The following PPP1R3F variants were observed in gnomAD, a reference collection of about 807,000 sequenced individuals.
PPP1R3F encodes the protein protein phosphatase 1 regulatory subunit 3F, also known as protein phosphatase 1, regulatory (inhibitor) subunit 3F.
PPP1R3F carries 29 observed loss-of-function variants against 24.2 expected under a neutral mutation model. The observed-to-expected ratio is 1.20, with a 90% CI of 0.89 to 1.63. The LOEUF is 1.63. Among genes scored for constraint, PPP1R3F ranks in the 40% most tolerant of loss-of-function variants. PPP1R3F has a pLI of 0.00. For missense variants in PPP1R3F, 823 were observed against 729.3 expected (o/e 1.13, Z -1.48); for synonymous variants, 363 against 340.1 (o/e 1.07, Z -0.74).
In PPP1R3F at chrX:49,270,704, C is replaced by G. The variant is rs781987355; in HGVS notation, c.835C>G (p.Arg279Gly). The part of the protein sequence containing the change: ...EGTFWANNHG[R>G]NYTVLLRIAP... ...CACTTTCTGGGCCAACAACCACGGC[C>G]GCAACTACACAGTCCTGCTCCGGAT... Residue 279 changes from arginine (R) to glycine (G), a missense_variant, in exon 1 of 4, where the codon CGC becomes GGC. Coordinates refer to ENST00000055335, the MANE Select transcript of PPP1R3F (RefSeq NM_033215.5). 1.7e-6 allele frequency: 2 copies of G among 1,207,411 alleles called. No homozygotes were observed. The highest frequency in any genetic ancestry group is 2.2e-6 in the Non-Finnish European group (2 of 893,783).
rs371605960 is a variant in PPP1R3F at position 49,286,352 on chromosome X, G to C, written c.1662G>C (p.Thr554=). The C allele has an allele frequency of 8.4e-7, 1 of 1,197,427 alleles. No individual in the cohort carries two copies. The highest frequency in any genetic ancestry group is 1.7e-5 in the African/African-American group (1 of 57,305). The stretch of plus-strand genomic sequence containing the variant: ...ACAGCGCCCTGGCTGAGGAGATCAC[G>C]CTGCACTATGCCCGGCTGGGGCGTG... ...ALNSALAEEI[T]LHYARLGRGV... is the part of the protein sequence containing the mutation. The change falls in exon 4 of 4, where the codon ACG becomes ACC. Residue 554 remains threonine, a synonymous_variant. Coordinates refer to ENST00000055335, the MANE Select transcript of PPP1R3F (RefSeq NM_033215.5).
At chrX:49,290,271 C>T (rs980928510), downstream of PPP1R3F, among the ~76,000 whole-genome samples, 3 of 110,926 alleles carry the variant, frequency 2.7e-5, no homozygotes, top group Non-Finnish European at 5.7e-5. Flanking sequence ...CCCTGGGCTC[C>T]GGGTCTTGCC....
chrX:49,272,458 C>T (rs1389807957), intron 1 of PPP1R3F, among the ~76,000 whole-genome samples: 1 of 112,316 alleles, frequency 8.9e-6, no homozygotes, highest in African/African-American at 3.2e-5. Context: ...ATCTACTTTA[C>T]GGGATAAGAG....
chrX:49,287,152 C>T lies in PPP1R3F; in HGVS notation c.*62C>T. The T allele has an allele frequency of 9.0e-7, 1 of 1,111,589 alleles. No homozygotes were observed. 91.6% of individuals were successfully genotyped at this position (1,111,589 alleles called of 1,213,427 possible). A position where few individuals can be genotyped will look rare whatever the true frequency, so the allele number is the denominator to read the frequency against. The stretch of plus-strand genomic sequence containing the variant: ...ATACATGGCCTGTGCAGTGAGGGGA[C>T]CTGGGTCCTTTGCTTCTGAGAATGC... On this transcript the variant is annotated 3_prime_UTR_variant, in exon 4 of 4. Transcript: ENST00000055335.
Position 49,287,532 on chromosome X carries a change from T to G in PPP1R3F, c.*442T>G, listed in dbSNP as rs1359178499. The G allele has an allele frequency of 8.4e-6, 1 of 118,979 alleles. No individual in the cohort carries two copies. Among genetic ancestry groups the G allele is most frequent in the Admixed American group, 8.5e-5 (1 of 11,775 alleles). The allele number at this position is 118,979 out of a possible 1,213,427, so 9.8% of individuals were successfully genotyped here. On this transcript the variant is annotated 3_prime_UTR_variant, in exon 4 of 4. Transcript: ENST00000055335. ...TGAGAAACAGTGTCTTGCGGTGTAG[T>G]GTTCTCCTGTTTGGGCATGAGTGTG...
At chrX:49,278,044 C>T (rs1012122020) in intron 1 of PPP1R3F, among the ~76,000 whole-genome samples, 1 of 112,014 alleles carries the variant, frequency 8.9e-6, no homozygotes, top group African/African-American at 3.2e-5. Flanking sequence ...TGGATGTTCT[C>T]GCCCTCCTCA....
In PPP1R3F at chrX:49,287,955, G is replaced by A. The variant is rs1400267361; in HGVS notation, c.*865G>A. ...AAGGAAGGCCTCAGAAAGGAAAGAG[G>A]AGTTAATGTACTGCAGTACTTGGTA... On this transcript the variant is annotated 3_prime_UTR_variant, in exon 4 of 4. Transcript: ENST00000055335. 8.9e-6 allele frequency: 1 copy of A among 112,013 alleles called. No individual in the cohort carries two copies. The highest frequency in any genetic ancestry group is 3.3e-5 in the African/African-American group (1 of 30,758). 9.2% of individuals were successfully genotyped at this position (112,013 alleles called of 1,213,427 possible).
intron 3 of PPP1R3F, among the ~76,000 whole-genome samples, chrX:49,294,624 T>C (rs1446341134): frequency 9.1e-6 from 1 of 109,577 alleles, no homozygotes; most frequent in Non-Finnish European, 1.9e-5. Context: ...TTAAGTATGA[T>C]CTAAGCCAGG....
intron 3 of PPP1R3F, among the ~76,000 whole-genome samples, chrX:49,284,003 A>T (rs907464076): frequency 2.7e-5 from 3 of 111,494 alleles, no homozygotes; most frequent in African/African-American, 3.3e-5. Flanking sequence ...TAAATATTTA[A>T]TTTTTTCCAT....
Position 49,270,303 on chromosome X carries a change from C to G in PPP1R3F, c.434C>G (p.Pro145Arg). Residue 145 changes from proline (P) to arginine (R), a missense_variant, in exon 1 of 4, where the codon CCC (proline) becomes CGC (arginine). Physicochemically the swap from Pro to Arg is moderately radical, Grantham distance 103. Transcript: ENST00000055335. ...GAGCTGGAGGCGCTGCTGCCGCCTC[C>G]CGGAGCGGTCCCCGGGGGTGCCGGG... is the stretch of plus-strand genomic sequence containing the variant. ...MVELEALLPP[P>R]GAVPGGAGVW... 9.0e-7 allele frequency: 1 copy of G among 1,106,742 alleles called. No homozygotes were observed. The highest frequency in any genetic ancestry group is 1.2e-6 in the Non-Finnish European group (1 of 851,479). 91.2% of individuals were successfully genotyped at this position (1,106,742 alleles called of 1,213,427 possible).
chrX:49,270,782 C>G lies in PPP1R3F; in HGVS notation c.913C>G (p.Leu305Val). ...CGAAGGGCTGCCCCAGCAGCAGCAG[C>G]TGCCGCAGCTGGAGCCACAGCCCGA... ...DAEGLPQQQQ[L>V]PQLEPQPECQ... Residue 305 changes from leucine to valine, a missense_variant, in exon 1 of 4, where the codon CTG (leucine) becomes GTG (valine). Leu to Val is a conservative substitution (Grantham distance 32). Transcript: ENST00000055335. 1.7e-6 allele frequency: 2 copies of G among 1,194,248 alleles called. No individual in the cohort carries two copies. Among genetic ancestry groups the G allele is most frequent in the Non-Finnish European group, 2.3e-6 (2 of 886,891 alleles).
rs372361395 is a variant in PPP1R3F, at chrX:49,286,525, C to T, written c.1835C>T (p.Thr612Met). Residue 612 changes from threonine (T) to methionine (M), a missense_variant, in exon 4 of 4, where the codon ACG (threonine) becomes ATG (methionine). Transcript: ENST00000055335. ...TCCGGGGCCCGTTCTGTGGTAGCCACGATGGGAGATGTGTGGCTCCCATGG... is the reference window on the plus strand; with the variant it reads ...TCCGGGGCCCGTTCTGTGGTAGCCATGATGGGAGATGTGTGGCTCCCATGG... ...ILSGARSVVATMGDVWLPWAE... is the reference protein window; with the variant it reads ...ILSGARSVVAMMGDVWLPWAE... 3.1e-5 allele frequency: 38 copies of T among 1,209,620 alleles called. No individual in the cohort carries two copies. The African/African-American group carries it at 4.4e-4, about 14-fold the overall frequency.
chrX:49,281,659 A>G (rs192257308), intron 2 of PPP1R3F, among the ~76,000 whole-genome samples, 198 bp downstream of exon 2: 264 of 104,841 alleles, frequency 2.5e-3, no homozygotes, highest in African/African-American at 8.7e-3. Flanking sequence ...GTGAGACCTC[A>G]TCTCTTAAAA....
chrX:49,279,661 C>T (rs1236328500), intron 1 of PPP1R3F, among the ~76,000 whole-genome samples: 5 of 111,382 alleles, frequency 4.5e-5, no homozygotes, highest in East Asian at 2.8e-4. Flanking sequence ...TCCAGCCTGG[C>T]GACAGAACGA....
intron 1 of PPP1R3F, 23 bp downstream of exon 1, chrX:49,270,896 C>A: frequency 1.7e-6 from 2 of 1,152,187 alleles, no homozygotes; most frequent in East Asian, 3.2e-5. Flanking sequence ...AGCGCCACCT[C>A]CGCCAACGCA....
rs782575560 is a variant in PPP1R3F at position 49,270,477 on chromosome X, C to T, written c.608C>T (p.Pro203Leu). Residue 203 changes from proline to leucine, a missense_variant, in exon 1 of 4, where the codon CCG (proline) becomes CTG (leucine). Pro to Leu is a moderately conservative substitution (Grantham distance 98). Coordinates refer to ENST00000055335, the MANE Select transcript of PPP1R3F (RefSeq NM_033215.5). ...CCAGCGCGCTACGTCCCGCGCAGCC[C>T]GCCGTGGGCAGGAGCGGGAGGAACA... ...DHPARYVPRS[P>L]PWAGAGGTGA... 100 of 1,202,913 alleles carry T rather than the reference C, an allele frequency of 8.3e-5. No individual in the cohort carries two copies. The South Asian group carries it at 1.4e-3, about 17-fold the overall frequency.
At chrX:49,278,096 T>G (rs2066225439) in intron 1 of PPP1R3F, among the ~76,000 whole-genome samples, 1 of 112,195 alleles carries the variant, frequency 8.9e-6, no homozygotes, top group Admixed American at 9.4e-5. Context: ...ATTGATTGTG[T>G]ATTTGTTTTT....
chrX:49,282,813 G>C (rs946693176), intron 3 of PPP1R3F, among the ~76,000 whole-genome samples: 2 of 109,729 alleles, frequency 1.8e-5, no homozygotes, highest in East Asian at 2.9e-4. Context: ...CTCCGAGTGA[G>C]GGGGAGCCGC....
intron 3 of PPP1R3F, among the ~76,000 whole-genome samples, chrX:49,293,343 T>C (rs200856214): frequency 2.7e-5 from 3 of 112,660 alleles, no homozygotes; most frequent in East Asian, 2.8e-4. Flanking sequence ...GTTTAGGTAG[T>C]GTTCGATTTG....
Sources: gnomAD v4.1 joint callset for allele counts (sites outside exome capture counted in the v4.1 genomes callset) on GRCh38, gnomAD v4.1.1 for gene constraint, MANE v1.5 for transcripts, NCBI Gene and HGNC (gene_info 2026-07-23, HGNC 2026-07-21) for gene names.